Variants in ZNF423 observed in about 807,000 individuals in gnomAD.
ZNF423 encodes zinc finger protein 423, also known as Ebf-associated zinc finger protein.
A neutral mutation model predicts 95.8 loss-of-function variants in ZNF423; 12 were observed. The observed-to-expected ratio is 0.13, with a 90% CI of 0.08 to 0.20. The LOEUF (loss-of-function observed/expected upper bound fraction) is 0.20. Ranked by LOEUF, ZNF423 falls within the 10% of genes least tolerant of loss-of-function variation. The pLI is 1.00. For synonymous variants in ZNF423, 749 were observed against 711.9 expected (o/e 1.05, Z -0.83); for missense variants, 1,316 against 1,737.1 (o/e 0.76, Z 4.31).
At chr16:49,681,550 G>A (rs1283512890) in intron 3 of ZNF423, among the ~76,000 whole-genome samples, 1 of 152,206 alleles carries the variant, frequency 6.6e-6, no homozygotes, top group African/African-American at 2.4e-5. Flanking sequence ...CAGGGTGTGT[G>A]CAGCAAAGTA....
intron 2 of ZNF423, among the ~76,000 whole-genome samples, chr16:49,731,730 A>G (rs2033173646): frequency 6.6e-6 from 1 of 152,114 alleles, no homozygotes; most frequent in Non-Finnish European, 1.5e-5. Context: ...GGATTGCTAG[A>G]GACCAGGAGT....
chr16:49,742,436 G>T (rs577340907), intron 2 of ZNF423, among the ~76,000 whole-genome samples: 18 of 152,298 alleles, frequency 1.2e-4, no homozygotes, highest in African/African-American at 4.3e-4. Flanking sequence ...AGTTAATGGT[G>T]TCACTCCTCC....
At chr16:49,814,447 G>A (rs575528154) in intron 1 of ZNF423, among the ~76,000 whole-genome samples, 44 of 144,982 alleles carry the variant, frequency 3.0e-4, no homozygotes, top group African/African-American at 8.7e-4. Context: ...GAGGGCAAGC[G>A]GGACAGGGGT....
intron 2 of ZNF423, among the ~76,000 whole-genome samples, chr16:49,735,662 G>A (rs1299560663): frequency 1.3e-5 from 2 of 152,114 alleles, no homozygotes; most frequent in Non-Finnish European, 2.9e-5. Flanking sequence ...CATCTCCTGG[G>A]ACACTCCCCC....
chr16:49,713,274 C>A (rs147597375), intron 3 of ZNF423, among the ~76,000 whole-genome samples: 1 of 152,352 alleles, frequency 6.6e-6, no homozygotes, highest in East Asian at 1.9e-4. Context: ...TAAACTGGGG[C>A]TGATCTCCAA....
chr16:49,836,670 A>G (rs1180736382), intron 1 of ZNF423, among the ~76,000 whole-genome samples: 31 of 152,160 alleles, frequency 2.0e-4, no homozygotes, highest in Admixed American at 2.0e-3. Context: ...TCATGAGAAC[A>G]CGTGCAGGAA....
chr16:49,514,268 A>T (rs923525943), intron 7 of ZNF423, among the ~76,000 whole-genome samples: 1 of 151,760 alleles, frequency 6.6e-6, no homozygotes, highest in African/African-American at 2.4e-5. Flanking sequence ...ACACATGCAC[A>T]TACACACACC....
At chr16:49,581,087 A>G (rs1970659174) in intron 5 of ZNF423, among the ~76,000 whole-genome samples, 1 of 152,116 alleles carries the variant, frequency 6.6e-6, no homozygotes, top group South Asian at 2.1e-4. Flanking sequence ...AAAAACAAAC[A>G]CATACTCACC....
At chr16:49,545,256 A>C (rs944437708) in intron 5 of ZNF423, among the ~76,000 whole-genome samples, 1 of 152,218 alleles carries the variant, frequency 6.6e-6, no homozygotes, top group Non-Finnish European at 1.5e-5. Flanking sequence ...TCTAAGTATC[A>C]AGTTGAAAAG....
At position 49,809,582 on chromosome 16, in the gene ZNF423, C is replaced by T. The variant is rs145381544; in HGVS notation, c.41-20036G>A. On this transcript the variant is annotated intron_variant, in intron 1 of 7. Coordinates refer to ENST00000563137, the MANE Select transcript of ZNF423 (RefSeq NM_001379286.1). The stretch of plus-strand genomic sequence containing the variant: ...GGGGACTTTGGGGAAAAGGAGAATC[C>T]GAGAGAAAGGTCCCAGAGGCTCCGC... Among the ~76,000 whole-genome samples the T allele has an allele frequency of 1.7e-3, 264 of 152,258 alleles. 2 individuals are homozygous for T. Among genetic ancestry groups the T allele is most frequent in the African/African-American group, 6.2e-3 (259 of 41,538 alleles).
chr16:49,724,541 CAG>C (rs2032955638), intron 3 of ZNF423, among the ~76,000 whole-genome samples: 1 of 152,206 alleles, frequency 6.6e-6, no homozygotes, highest in Non-Finnish European at 1.5e-5. Context: ...CGCCGCAAGT[CAG>C]TAAGGCAGGG....
intron 5 of ZNF423, among the ~76,000 whole-genome samples, chr16:49,575,891 C>T (rs900108431): frequency 6.6e-6 from 1 of 152,168 alleles, no homozygotes; most frequent in Non-Finnish European, 1.5e-5. Flanking sequence ...GAGGCACGGG[C>T]TGCCCTCCAG....
Position 49,490,985 on chromosome 16 carries a change from A to G in ZNF423, c.*290T>C. 1 of 440,266 alleles carries G rather than the reference A, an allele frequency of 2.3e-6. No homozygotes were observed. Among genetic ancestry groups the G allele is most frequent in the Non-Finnish European group, 4.1e-6 (1 of 243,088 alleles). The allele number at this position is 440,266 out of a possible 1,614,324, so 27.3% of individuals were successfully genotyped here. A position where few individuals can be genotyped will look rare whatever the true frequency, so the allele number is the denominator to read the frequency against. On this transcript the variant is annotated 3_prime_UTR_variant, in exon 8 of 8. Coordinates refer to ENST00000563137, the MANE Select transcript of ZNF423 (RefSeq NM_001379286.1). ...AATACATGAAGGAACAAAGGACAATAGCCTTAAAAAGCAGGTTTCTCTAAC... is the reference window on the plus strand; with the variant it reads ...AATACATGAAGGAACAAAGGACAATGGCCTTAAAAAGCAGGTTTCTCTAAC...
In ZNF423 at chr16:49,505,463, A is replaced by AG. The variant is rs376525235; in HGVS notation, c.3850-14160dup. On this transcript the variant is annotated intron_variant, in intron 7 of 7. Coordinates refer to ENST00000563137, the MANE Select transcript of ZNF423 (RefSeq NM_001379286.1). ...AAGAACTGTTCTGGCGGATATTCTG[A>AG]GGGGGCCTCCTCAGAAAACATGGCC... 1.0e-3 allele frequency among the ~76,000 whole-genome samples: 159 copies of AG among 152,314 alleles called. No individual in the cohort carries two copies. The Middle Eastern group carries it at 0.014, about 13-fold the overall frequency.
chr16:49,654,068 A>G (rs1015473591), intron 3 of ZNF423, among the ~76,000 whole-genome samples: 2 of 152,242 alleles, frequency 1.3e-5, no homozygotes, highest in African/African-American at 4.8e-5. Context: ...CAGATCAGAC[A>G]TCTGAGACAT....
Position 49,624,571 on chromosome 16 carries a change from C to A in ZNF423, c.3601+1599G>T, listed in dbSNP as rs1359410063. Among the ~76,000 whole-genome samples, 3 of 152,000 alleles carry A rather than the reference C, an allele frequency of 2.0e-5. No individual in the cohort carries two copies. In the South Asian group the frequency reaches 6.2e-4, roughly 32 times the overall value. On this transcript the variant is annotated intron_variant, in intron 5 of 7. Transcript: ENST00000563137. ...CTGTCTCAAAAAAAACCAAACCAAA[C>A]CAAAACAAAAGAAGACATGTCCATG... is the stretch of plus-strand genomic sequence containing the variant.
At chr16:49,655,142 G>A (rs906807023) in intron 3 of ZNF423, among the ~76,000 whole-genome samples, 4 of 152,160 alleles carry the variant, frequency 2.6e-5, no homozygotes, top group Non-Finnish European at 5.9e-5. Context: ...AAGGCCTCCT[G>A]GGAGAAGCAA....
chr16:49,636,944 C>G lies in ZNF423; in HGVS notation c.2232G>C (p.Gln744His), dbSNP rs1596760751. ...QEVFDSKVSI[Q>H]VHLAVKHSNE... is the part of the protein sequence containing the mutation. ...TGCTGTGCTTCACCGCCAGGTGCAC[C>G]TGGATGGACACCTTGGAGTCGAAGA... Residue 744 changes from glutamine (Q) to histidine (H), a missense_variant, in exon 4 of 8, where the codon CAG (glutamine) becomes CAC (histidine). This residue lies in a region of ZNF423 where 620 missense variants were observed against 775.6 expected (regional missense o/e 0.80). Coordinates refer to ENST00000563137, the MANE Select transcript of ZNF423 (RefSeq NM_001379286.1). This position sits in a 1 kb window ranked among gnomAD's most constrained non-coding sequence, Gnocchi z 8.6. The G allele has an allele frequency of 3.7e-6, 6 of 1,613,678 alleles. No individual in the cohort carries two copies. The East Asian group carries it at 1.3e-4, about 36-fold the overall frequency.
intron 7 of ZNF423, among the ~76,000 whole-genome samples, chr16:49,498,465 G>A (rs1967251947): frequency 6.6e-6 from 1 of 152,222 alleles, no homozygotes; most frequent in South Asian, 2.1e-4. Flanking sequence ...AGGAAGGCGG[G>A]GGCCTTATTG....
Sources: allele counts gnomAD v4.1 joint callset (sites outside exome capture counted in the v4.1 genomes callset), GRCh38; gene constraint gnomAD v4.1.1; regional missense constraint gnomAD v4.1.1; non-coding constraint Gnocchi (gnomAD v3.1); transcripts MANE v1.5; gene names NCBI Gene and HGNC (gene_info 2026-07-23, HGNC 2026-07-21).